The following CFAP91 variants were observed in gnomAD, a reference collection of about 807,000 sequenced individuals.
The protein encoded by CFAP91 is cilia- and flagella-associated protein 91.
Under a neutral mutation model 95.9 loss-of-function variants are expected in CFAP91, and 85 were observed. That is an observed-to-expected ratio of 0.89 (90% CI 0.74 to 1.06). The LOEUF (loss-of-function observed/expected upper bound fraction) is 1.06. Among genes scored for constraint, CFAP91 ranks in the 50% least tolerant of loss-of-function variants. CFAP91 has a pLI of 0.00. For missense variants in CFAP91, 962 were observed against 943.4 expected, an observed-to-expected ratio of 1.02 and a Z score of -0.26; for synonymous variants, 335 against 327.5, an observed-to-expected ratio of 1.02 and a Z score of -0.25.
intron 6 of CFAP91, among the ~76,000 whole-genome samples, chr3:119,724,726 A>AATTTT (rs1048878016): frequency 1.3e-4 from 19 of 151,846 alleles, no homozygotes; most frequent in Admixed American, 2.6e-4. Context: ...ATAATACCCT[A>AATTTT]ATTTTATTTT....
At chr3:119,705,399 C>T (rs1442828732) in intron 1 of CFAP91, among the ~76,000 whole-genome samples, 1 of 152,124 alleles carries the variant, frequency 6.6e-6, no homozygotes, top group Non-Finnish European at 1.5e-5. Flanking sequence ...CTTCTCTGGC[C>T]TCTTATCTAC....
Position 119,730,307 on chromosome 3 carries a change from TGCCC to T in CFAP91, c.950_953del (p.Ala317GlyfsTer28), listed in dbSNP as rs769268601. ...ATGAAGTGAATATGAAGCACTTGAATGCCCGGTGGTCTAAACTGCAGGAGGGAAA... is the reference window on the plus strand; with the variant it reads ...ATGAAGTGAATATGAAGCACTTGAATGGTGGTCTAAACTGCAGGAGGGAAA... On this transcript the variant is annotated frameshift_variant, in exon 8 of 18. Coordinates refer to ENST00000273390, the MANE Select transcript of CFAP91 (RefSeq NM_033364.4). LOFTEE classifies it high-confidence loss of function. 7 of 1,614,042 alleles carry T rather than the reference TGCCC, an allele frequency of 4.3e-6. No individual in the cohort carries two copies. The highest frequency in any genetic ancestry group is 5.9e-6 in the Non-Finnish European group (7 of 1,180,024).
intron 7 of CFAP91, among the ~76,000 whole-genome samples, chr3:119,728,371 G>C (rs775696262): frequency 6.6e-6 from 1 of 152,160 alleles, no homozygotes; most frequent in Non-Finnish European, 1.5e-5. Context: ...CCAGCAATCT[G>C]TGTCAGAACC....
intron 17 of CFAP91, among the ~76,000 whole-genome samples, chr3:119,755,923 G>T (rs1465954962): frequency 6.6e-6 from 1 of 152,114 alleles, no homozygotes; most frequent in Non-Finnish European, 1.5e-5. Flanking sequence ...AGAGAGAGAA[G>T]GATAGATTTA....
At chr3:119,757,461 T>C (rs2054454711) in intron 17 of CFAP91, among the ~76,000 whole-genome samples, 2 of 151,914 alleles carry the variant, frequency 1.3e-5, no homozygotes, top group Non-Finnish European at 2.9e-5. Context: ...CTGGACAACA[T>C]GGTGAAGCCG....
In CFAP91 at chr3:119,706,808, G is replaced by T; in HGVS notation, c.125-1G>T. The T allele has an allele frequency of 6.2e-7, 1 of 1,612,034 alleles. No homozygotes were observed. Among genetic ancestry groups the T allele is most frequent in the African/African-American group, 1.3e-5 (1 of 74,902 alleles). On this transcript the variant is annotated splice_acceptor_variant, in intron 1 of 17. Coordinates refer to ENST00000273390, the MANE Select transcript of CFAP91 (RefSeq NM_033364.4). LOFTEE classifies it high-confidence loss of function. ...ATGCTACTTGATTGTTTATTTTGCA[G>T]ATCCATTGTTTATTGTGTCAAGTGA...
intron 7 of CFAP91, among the ~76,000 whole-genome samples, chr3:119,728,002 T>G (rs2053817200): frequency 6.6e-6 from 1 of 150,418 alleles, no homozygotes; most frequent in African/African-American, 2.5e-5. Flanking sequence ...TAATATCAGA[T>G]TGATGATGAT....
chr3:119,730,267 G>A lies in CFAP91; in HGVS notation c.908G>A (p.Arg303His), dbSNP rs146078151. 353 of 1,613,994 alleles carry A rather than the reference G, an allele frequency of 2.2e-4. No individual in the cohort carries two copies. Among genetic ancestry groups the A allele is most frequent in the Admixed American group, 3.7e-4 (22 of 60,004 alleles). The change falls in exon 8 of 18, where the codon CGT becomes CAT. Residue 303 changes from arginine (R) to histidine (H), a missense_variant. Coordinates refer to ENST00000273390, the MANE Select transcript of CFAP91 (RefSeq NM_033364.4). The stretch of plus-strand genomic sequence containing the variant: ...GTTCTAAAAGAGCTGTTGAGGAAGC[G>A]TGAAGAGAATCAGAATGAAGTGAAT... ...LEVLKELLRK[R>H]EENQNEVNMK...
intron 5 of CFAP91, among the ~76,000 whole-genome samples, chr3:119,711,258 C>T (rs190997559): frequency 3.5e-4 from 53 of 152,286 alleles, no homozygotes; most frequent in African/African-American, 1.2e-3. Context: ...AGATTCCCTG[C>T]TCTCCCTAGA....
intron 1 of CFAP91, among the ~76,000 whole-genome samples, chr3:119,703,939 A>G (rs2053309744): frequency 6.8e-6 from 1 of 146,210 alleles, no homozygotes. Context: ...AGCTATAAGC[A>G]TGATTTTTTC....
At chr3:119,738,327 A>C in intron 11 of CFAP91, among the ~76,000 whole-genome samples, 1 of 28,440 alleles carries the variant, frequency 3.5e-5, no homozygotes, top group African/African-American at 7.5e-5. Context: ...TGGTTGACAT[A>C]TTGTCTTTTT....
chr3:119,708,513 A>G, intron 3 of CFAP91, 78 bp from the exon 4 acceptor site: 3 of 969,802 alleles, frequency 3.1e-6, no homozygotes, highest in Non-Finnish European at 3.2e-6. Flanking sequence ...GTCCTACTCT[A>G]TACACATAGA....
In CFAP91 at chr3:119,738,332, C is replaced by CTTTTTTTTTTTT. The variant is rs556125660; in HGVS notation, c.1461+873_1461+884dup. On this transcript the variant is annotated intron_variant, in intron 11 of 17. Coordinates refer to ENST00000273390, the MANE Select transcript of CFAP91 (RefSeq NM_033364.4). ...TGCAGGGCTTTGGTTGACATATTGT[C>CTTTTTTTTTTTT]TTTTTTTTTTTTTTTTTTTTTTTTT... is the stretch of plus-strand genomic sequence containing the variant. Among the ~76,000 whole-genome samples, 81 of 23,066 alleles carry CTTTTTTTTTTTT rather than the reference C, an allele frequency of 3.5e-3. 21 individuals are homozygous for CTTTTTTTTTTTT. Among genetic ancestry groups the CTTTTTTTTTTTT allele is most frequent in the East Asian group, 0.01 (5 of 498 alleles). The allele number at this position is 23,066 out of a possible 152,430, so 15.1% of individuals were successfully genotyped here.
intron 7 of CFAP91, among the ~76,000 whole-genome samples, chr3:119,730,011 C>G (rs1249753581): frequency 6.6e-6 from 1 of 152,138 alleles, no homozygotes; most frequent in Non-Finnish European, 1.5e-5. Context: ...GAGAACTACA[C>G]CCATATATAT....
intron 7 of CFAP91, among the ~76,000 whole-genome samples, chr3:119,727,750 C>T (rs886937679): frequency 2.6e-5 from 4 of 152,152 alleles, no homozygotes; most frequent in African/African-American, 9.7e-5. Context: ...GGTGAAAGAA[C>T]AGTTAGTTCT....
At chr3:119,747,040 C>T in intron 14 of CFAP91, 75 bp from the exon 15 acceptor site, 1 of 1,182,362 alleles carries the variant, frequency 8.5e-7, no homozygotes, top group East Asian at 2.6e-5. Flanking sequence ...AAAAGTTAAC[C>T]AATGTTTGTG....
intron 17 of CFAP91, among the ~76,000 whole-genome samples, chr3:119,753,176 T>C (rs1455141943): frequency 2.6e-5 from 4 of 152,198 alleles, no homozygotes; most frequent in Admixed American, 1.3e-4. Flanking sequence ...GCTACTTTTT[T>C]CCTGGAAGAA....
intron 6 of CFAP91, among the ~76,000 whole-genome samples, chr3:119,717,360 CA>C (rs915895622): frequency 6.6e-6 from 1 of 151,710 alleles, no homozygotes; most frequent in African/African-American, 2.4e-5. Context: ...AAAAAACAAA[CA>C]AAAAAAACAA....
intron 7 of CFAP91, among the ~76,000 whole-genome samples, chr3:119,727,781 G>A (rs1216773584): frequency 6.6e-6 from 1 of 152,238 alleles, no homozygotes; most frequent in Non-Finnish European, 1.5e-5. Flanking sequence ...GGCGATTTGA[G>A]AAAGAAAACT....
Sources: gnomAD v4.1 joint callset for allele counts (sites outside exome capture counted in the v4.1 genomes callset) on GRCh38, gnomAD v4.1.1 for gene constraint, MANE v1.5 for transcripts, NCBI Gene and HGNC (gene_info 2026-07-23, HGNC 2026-07-21) for gene names.